KIAA0319: variants seen among roughly 807,000 people sequenced by gnomAD.
KIAA0319 encodes dyslexia-associated protein KIAA0319.
Under a neutral mutation model 108.4 loss-of-function variants are expected in KIAA0319, and 83 were observed. The ratio of observed to expected loss-of-function variants is 0.77; its 90% CI spans 0.64 to 0.92. The LOEUF is 0.92. Among genes scored for constraint, KIAA0319 ranks in the 40% least tolerant of loss-of-function variants. The pLI, the probability that KIAA0319 is intolerant of heterozygous loss-of-function variation, is 0.00. For missense variants in KIAA0319, 1,195 were observed against 1,322.4 expected (o/e 0.90, Z 1.49); for synonymous variants, 484 against 510.4 (o/e 0.95, Z 0.70).
chr6:24,549,749 C>T (rs1024576271), intron 20 of KIAA0319, among the ~76,000 whole-genome samples: 1 of 152,180 alleles, frequency 6.6e-6, no homozygotes, highest in South Asian at 2.1e-4. Context: ...ACATATTCAA[C>T]ATTAAATACC....
At chr6:24,553,116 C>A (rs1761742985) in intron 19 of KIAA0319, among the ~76,000 whole-genome samples, 1 of 151,552 alleles carries the variant, frequency 6.6e-6, no homozygotes, top group African/African-American at 2.4e-5. Flanking sequence ...GGTGTTATTG[C>A]CTCGCTTACA....
intron 3 of KIAA0319, among the ~76,000 whole-genome samples, chr6:24,591,095 G>A (rs984136118): frequency 6.6e-6 from 1 of 152,126 alleles, no homozygotes; most frequent in Non-Finnish European, 1.5e-5. Flanking sequence ...TGCAAAAAAT[G>A]TCCTTTATCC....
intron 5 of KIAA0319, chr6:24,583,265 T>G: frequency 9.9e-7 from 1 of 1,010,586 alleles, no homozygotes; most frequent in Non-Finnish European, 1.2e-6. Context: ...TTCCCTCTCA[T>G]CCCGGTGGAA....
intron 1 of KIAA0319, among the ~76,000 whole-genome samples, chr6:24,613,481 C>T (rs1484618128): frequency 6.6e-6 from 1 of 152,108 alleles, no homozygotes; most frequent in Non-Finnish European, 1.5e-5. Context: ...ATGTATTTCT[C>T]TCCCCAGAAG....
chr6:24,570,347 G>A (rs915528522), intron 11 of KIAA0319, among the ~76,000 whole-genome samples: 3 of 152,172 alleles, frequency 2.0e-5, no homozygotes, highest in African/African-American at 7.2e-5. Flanking sequence ...CCAGCACTTT[G>A]GGAGAACGAG....
Position 24,554,625 on chromosome 6 carries a change from C to T in KIAA0319, c.2864G>A (p.Ser955Asn). 3 of 1,611,808 alleles carry T rather than the reference C, an allele frequency of 1.9e-6. No homozygotes were observed. The highest frequency in any genetic ancestry group is 4.5e-5 in the East Asian group (2 of 44,848). ...IWDGESNCEW[S>N]IFYVTVLAFT... Reference sequence around the variant, plus strand: ...AGCCAACACTGTCACATAGAATATACTCCACTCTGAAACACAAGAAAACCA... The same window carrying T: ...AGCCAACACTGTCACATAGAATATATTCCACTCTGAAACACAAGAAAACCA... The change falls in exon 19 of 21, where the codon AGT becomes AAT. Residue 955 changes from serine to asparagine, a missense_variant. By Grantham distance (46) the Ser-to-Asn change is conservative. Transcript: ENST00000378214.
At chr6:24,541,662 G>A (rs992228642), downstream of KIAA0319, among the ~76,000 whole-genome samples, 2 of 151,008 alleles carry the variant, frequency 1.3e-5, no homozygotes, top group Non-Finnish European at 2.9e-5. Flanking sequence ...GCCCGTCATG[G>A]TGGTGGGCGC....
At chr6:24,553,313 A>G (rs1410197510) in intron 19 of KIAA0319, among the ~76,000 whole-genome samples, 1 of 114,936 alleles carries the variant, frequency 8.7e-6, no homozygotes, top group Non-Finnish European at 1.8e-5. Flanking sequence ...ACACACACAC[A>G]CACACACACA....
intron 7 of KIAA0319, 131 bp from the exon 8 acceptor site, chr6:24,580,081 A>T (rs1766248981): frequency 4.7e-6 from 3 of 634,050 alleles, no homozygotes; most frequent in Non-Finnish European, 8.1e-6. Flanking sequence ...TACAGGCCTC[A>T]ACTATGGAGA....
intron 1 of KIAA0319, among the ~76,000 whole-genome samples, chr6:24,616,533 T>C (rs1280695612): frequency 1.3e-5 from 2 of 152,154 alleles, no homozygotes; most frequent in Non-Finnish European, 2.9e-5. Flanking sequence ...TTTGTATTTT[T>C]AGTAGAGACG....
chr6:24,586,012 C>T (rs1197235060), intron 4 of KIAA0319, among the ~76,000 whole-genome samples: 2 of 152,120 alleles, frequency 1.3e-5, no homozygotes, highest in African/African-American at 4.8e-5. Flanking sequence ...TCTCTTGAAC[C>T]TCGGAGGCAG....
At chr6:24,639,152 A>C (rs1776591941) in intron 1 of KIAA0319, among the ~76,000 whole-genome samples, 1 of 152,258 alleles carries the variant, frequency 6.6e-6, no homozygotes, top group Non-Finnish European at 1.5e-5. Flanking sequence ...AAAGAAAAAA[A>C]AATCCTTATA....
chr6:24,615,186 G>C (rs775301359), intron 1 of KIAA0319, among the ~76,000 whole-genome samples: 2 of 152,020 alleles, frequency 1.3e-5, no homozygotes, highest in African/African-American at 4.8e-5. Flanking sequence ...AGTTACAAAT[G>C]TACATTATAG....
At chr6:24,588,902 A>G (rs1018074040) in intron 3 of KIAA0319, 117 bp from the exon 4 acceptor site, 2 of 807,874 alleles carry the variant, frequency 2.5e-6, no homozygotes, top group East Asian at 2.6e-5. Context: ...TTGAAAAACC[A>G]TGAATAATAT....
chr6:24,557,624 CTT>C (rs1304301922), intron 17 of KIAA0319, among the ~76,000 whole-genome samples: 22 of 152,198 alleles, frequency 1.4e-4, no homozygotes, highest in African/African-American at 4.8e-4. Context: ...ATAGCATTAT[CTT>C]TAAAACCAAC....
intron 1 of KIAA0319, among the ~76,000 whole-genome samples, chr6:24,618,122 T>C (rs1395904345): frequency 1.3e-5 from 2 of 152,250 alleles, no homozygotes; most frequent in Admixed American, 6.5e-5. Flanking sequence ...TTGGCAACCA[T>C]AGGTTTGCTT....
At chr6:24,643,772 A>G (rs1777267923) in intron 1 of KIAA0319, among the ~76,000 whole-genome samples, 1 of 152,268 alleles carries the variant, frequency 6.6e-6, no homozygotes, top group Admixed American at 6.5e-5. Flanking sequence ...AAAACATGCC[A>G]GGCAATGAGC....
Position 24,595,563 on chromosome 6 carries a change from A to AAAAAAC in KIAA0319, c.801+309_801+310insGTTTTT, listed in dbSNP as rs1554164888. On this transcript the variant is annotated intron_variant, in intron 3 of 20. Transcript: ENST00000378214. Reference sequence around the variant, plus strand: ...TTCAATCTCAAAAAAAAAAAAAAAAAAAAAAAACGCTACAGGCATTTCTAG... The same window carrying AAAAAAC: ...TTCAATCTCAAAAAAAAAAAAAAAAAAAAAACAAAAAAACGCTACAGGCATTTCTAG... Among the ~76,000 whole-genome samples the AAAAAAC allele has an allele frequency of 2.1e-5, 3 of 143,000 alleles. 1 individual carries two copies. The highest frequency in any genetic ancestry group is 1.5e-5 in the Non-Finnish European group (1 of 65,754). The allele number at this position is 143,000 out of a possible 152,430, so 93.8% of individuals were successfully genotyped here. A position where few individuals can be genotyped will look rare whatever the true frequency, so the allele number is the denominator to read the frequency against.
chr6:24,566,761 T>C lies in KIAA0319; in HGVS notation c.2141-13A>G, dbSNP rs1763960152. 3.8e-6 allele frequency: 6 copies of C among 1,596,428 alleles called. No homozygotes were observed. The East Asian group carries it at 9.0e-5, about 24-fold the overall frequency. ...GGACTATTATTTTCTAAGTCAAATA[T>C]AGCAAAATGAAAGCAAAGAGATTGA... On this transcript the variant is annotated splice_polypyrimidine_tract_variant and intron_variant, in intron 13 of 20. Coordinates refer to ENST00000378214, the MANE Select transcript of KIAA0319 (RefSeq NM_014809.4).
Sources: allele counts gnomAD v4.1 joint callset (sites outside exome capture counted in the v4.1 genomes callset), GRCh38; gene constraint gnomAD v4.1.1; transcripts MANE v1.5; gene names NCBI Gene and HGNC (gene_info 2026-07-23, HGNC 2026-07-21).